SLC44A1: variants seen among roughly 807,000 people sequenced by gnomAD.
SLC44A1 encodes the protein solute carrier family 44 member 1, also known as choline transporter-like protein 1.
In SLC44A1, 26 loss-of-function variants were observed where a neutral mutation model predicts 79.3. The observed-to-expected ratio is 0.33, with a 90% confidence interval of 0.24 to 0.46. The LOEUF (loss-of-function observed/expected upper bound fraction) is 0.46, where lower values mean the gene tolerates loss of function less well. SLC44A1 is among the 20% of genes least tolerant of loss of function. SLC44A1 has a pLI of 1.00. For synonymous variants in SLC44A1, 263 were observed against 286.2 expected (o/e 0.92, Z 0.82); for missense variants, 688 against 798.1 (o/e 0.86, Z 1.66).
chr9:105,352,018 T>G (rs768667095), intron 5 of SLC44A1, among the ~76,000 whole-genome samples: 6 of 152,232 alleles, frequency 3.9e-5, no homozygotes, highest in South Asian at 4.2e-4. Context: ...CCTAACACTT[T>G]GGGAGACCAA....
chr9:105,274,356 T>C (rs946942281), intron 1 of SLC44A1, among the ~76,000 whole-genome samples: 1 of 152,226 alleles, frequency 6.6e-6, no homozygotes, highest in Non-Finnish European at 1.5e-5. Flanking sequence ...TGGAGGTGTA[T>C]TGGCCTTTTT....
Position 105,389,099 on chromosome 9 carries a change from A to G in SLC44A1, c.*43A>G, listed in dbSNP as rs1222169933. The stretch of plus-strand genomic sequence containing the variant: ...GGAAACCCATTGACATTCCAAAACA[A>G]TATATACACATAACTATGTATTTGT... On this transcript the variant is annotated 3_prime_UTR_variant, in exon 16 of 16. Transcript: ENST00000374720. 1 of 1,610,378 alleles carries G rather than the reference A, an allele frequency of 6.2e-7. No homozygotes were observed. The highest frequency in any genetic ancestry group is 1.3e-5 in the African/African-American group (1 of 74,878).
intron 3 of SLC44A1, among the ~76,000 whole-genome samples, chr9:105,315,538 A>G (rs1564432410): frequency 6.6e-6 from 1 of 152,094 alleles, no homozygotes; most frequent in Non-Finnish European, 1.5e-5. Context: ...ACTTATGCAG[A>G]GGATTATTTA....
intron 15 of SLC44A1, among the ~76,000 whole-genome samples, chr9:105,422,433 C>T (rs1345124208): frequency 1.3e-5 from 2 of 151,852 alleles, no homozygotes; most frequent in African/African-American, 2.4e-5. Context: ...GAACTACAGG[C>T]GCGTGCCACC....
At chr9:105,345,055 A>G (rs938668156) in intron 4 of SLC44A1, among the ~76,000 whole-genome samples, 2 of 152,200 alleles carry the variant, frequency 1.3e-5, no homozygotes, top group African/African-American at 4.8e-5. Flanking sequence ...AGTTTTAGGT[A>G]GAGACCTGCT....
intron 13 of SLC44A1, among the ~76,000 whole-genome samples, chr9:105,376,344 CACACACT>C (rs1256964264): frequency 0.021 from 2,713 of 130,798 alleles, 71 homozygotes; most frequent in African/African-American, 0.081. Flanking sequence ...CACACACACA[CACACACT>C]ACACACACAC....
chr9:105,335,563 G>T lies in SLC44A1; in HGVS notation c.270G>T (p.Lys90Asn). Reference sequence around the variant, plus strand: ...CTCAGTTTTTTTCTCCATGCTTTAGGTATGTATTCTTTTTGGATCCATGCA... The same window carrying T: ...CTCAGTTTTTTTCTCCATGCTTTAGTTATGTATTCTTTTTGGATCCATGCA... ...PNSGMDHTQR[K>N]YVFFLDPCNL... The change falls in exon 4 of 16, where the codon AAG becomes AAT. Residue 90 changes from lysine to asparagine, a missense_variant and splice_region_variant. By Grantham distance (94) the Lys-to-Asn change is moderately conservative (BLOSUM62 0). Coordinates refer to ENST00000374720, the MANE Select transcript of SLC44A1 (RefSeq NM_080546.5). The T allele has an allele frequency of 6.2e-7, 1 of 1,609,872 alleles. No individual in the cohort carries two copies. Among genetic ancestry groups the T allele is most frequent in the Non-Finnish European group, 8.5e-7 (1 of 1,177,590 alleles).
intron 3 of SLC44A1, among the ~76,000 whole-genome samples, chr9:105,312,822 G>A (rs909726849): frequency 3.3e-5 from 5 of 151,960 alleles, no homozygotes; most frequent in South Asian, 2.1e-4. Flanking sequence ...TTGTGCTAGC[G>A]TATCTATTCT....
At chr9:105,254,336 G>A (rs1471764318) in intron 1 of SLC44A1, among the ~76,000 whole-genome samples, 1 of 152,118 alleles carries the variant, frequency 6.6e-6, no homozygotes. Context: ...GAATTAGAGA[G>A]GGCTGCACAC....
At chr9:105,312,659 G>A (rs965797064) in intron 3 of SLC44A1, among the ~76,000 whole-genome samples, 2 of 152,164 alleles carry the variant, frequency 1.3e-5, no homozygotes, top group Non-Finnish European at 2.9e-5. Context: ...CAGTGTTTGA[G>A]ATTGCTTTAT....
At chr9:105,420,472 A>G (rs923877235) in intron 15 of SLC44A1, among the ~76,000 whole-genome samples, 1 of 152,170 alleles carries the variant, frequency 6.6e-6, no homozygotes, top group African/African-American at 2.4e-5. Context: ...ACTGAGAATC[A>G]TGCATCCCTT....
chr9:105,344,086 C>T (rs1008461825), intron 4 of SLC44A1, among the ~76,000 whole-genome samples: 9 of 152,148 alleles, frequency 5.9e-5, no homozygotes, highest in African/African-American at 2.2e-4. Context: ...ATTCATTAGA[C>T]ATCACAAGGC....
chr9:105,264,015 G>T (rs1299128496), intron 1 of SLC44A1, among the ~76,000 whole-genome samples: 1 of 151,680 alleles, frequency 6.6e-6, no homozygotes, highest in Non-Finnish European at 1.5e-5. Flanking sequence ...TTCAATTTTT[G>T]ACATTAATTT....
chr9:105,399,615 G>A (rs376834362), downstream of SLC44A1, among the ~76,000 whole-genome samples: 1 of 152,196 alleles, frequency 6.6e-6, no homozygotes, highest in East Asian at 1.9e-4. Context: ...CTGTCAAAGA[G>A]GAAATCAAGA....
chr9:105,280,549 A>G (rs1830325617), intron 1 of SLC44A1, among the ~76,000 whole-genome samples: 1 of 152,242 alleles, frequency 6.6e-6, no homozygotes, highest in African/African-American at 2.4e-5. Flanking sequence ...TAACAGTATT[A>G]CTCACACTAT....
At chr9:105,310,104 A>T (rs1305061309) in intron 3 of SLC44A1, among the ~76,000 whole-genome samples, 1 of 151,936 alleles carries the variant, frequency 6.6e-6, no homozygotes, top group East Asian at 1.9e-4. Context: ...ACCTTTACCC[A>T]TGTTAATGGG....
Position 105,321,325 on chromosome 9 carries a change from A to G in SLC44A1, c.269+11459A>G, listed in dbSNP as rs570916673. On this transcript the variant is annotated intron_variant, in intron 3 of 15. Transcript: ENST00000374720. Reference sequence around the variant, plus strand: ...TCCAGAAGCATTTATTGAAAAGACTATCTTCCCCATTGAATTACTTTGCCA... The same window carrying G: ...TCCAGAAGCATTTATTGAAAAGACTGTCTTCCCCATTGAATTACTTTGCCA... Among the ~76,000 whole-genome samples the G allele has an allele frequency of 2.8e-4, 43 of 152,352 alleles. No individual in the cohort carries two copies. The South Asian group carries it at 6.6e-3, about 23-fold the overall frequency.
chr9:105,383,609 C>T (rs1343292288), intron 14 of SLC44A1, among the ~76,000 whole-genome samples: 1 of 152,202 alleles, frequency 6.6e-6, no homozygotes, highest in African/African-American at 2.4e-5. Flanking sequence ...TCACCCTATT[C>T]TTGCTGCCCC....
At chr9:105,365,425 T>C in intron 10 of SLC44A1, 58 bp from the exon 11 acceptor site, 1 of 1,372,586 alleles carries the variant, frequency 7.3e-7, no homozygotes, top group East Asian at 2.3e-5. Flanking sequence ...ACCATACCTG[T>C]GTTTCCATCC....
Sources: allele counts gnomAD v4.1 joint callset (sites outside exome capture counted in the v4.1 genomes callset), GRCh38; gene constraint gnomAD v4.1.1; transcripts MANE v1.5; gene names NCBI Gene and HGNC (gene_info 2026-07-23, HGNC 2026-07-21).